RPTOR: variants seen among roughly 807,000 people sequenced by gnomAD.
RPTOR encodes the protein regulatory associated protein of MTOR complex 1, also known as regulatory-associated protein of mTOR.
In RPTOR, 21 loss-of-function variants were observed where a neutral mutation model predicts 169.9. The ratio of observed to expected loss-of-function variants is 0.12; its 90% CI spans 0.09 to 0.18. RPTOR has a LOEUF of 0.18. Ranked by LOEUF, RPTOR falls within the 10% of genes least tolerant of loss-of-function variation. The probability of loss-of-function intolerance (pLI) is 1.00; values close to 1 mark genes in which losing one functional copy is unlikely to be tolerated. For synonymous variants in RPTOR, 732 were observed against 753.2 expected (o/e 0.97, Z 0.46); for missense variants, 1,133 against 1,855.9 (o/e 0.61, Z 7.16).
chr17:80,921,151 G>C (rs556706709), intron 21 of RPTOR, among the ~76,000 whole-genome samples: 1 of 152,240 alleles, frequency 6.6e-6, no homozygotes, highest in African/African-American at 2.4e-5. Context: ...CAGGTTCAAG[G>C]TTCCTAAATT....
intron 13 of RPTOR, among the ~76,000 whole-genome samples, chr17:80,865,492 A>G (rs933053095): frequency 6.6e-6 from 1 of 152,214 alleles, no homozygotes; most frequent in Non-Finnish European, 1.5e-5. Flanking sequence ...GGAAGGCTGC[A>G]GGGCCTATGT....
At chr17:80,649,973 A>G (rs192161299) in intron 3 of RPTOR, among the ~76,000 whole-genome samples, 5 of 152,388 alleles carry the variant, frequency 3.3e-5, no homozygotes, top group Admixed American at 1.3e-4. Context: ...TATGCGAAGC[A>G]GTTTATTCCG....
intron 6 of RPTOR, among the ~76,000 whole-genome samples, chr17:80,756,614 C>T (rs907575050): frequency 2.0e-5 from 3 of 152,176 alleles, no homozygotes. Flanking sequence ...AAAGCACCTT[C>T]ATACGAACCA....
chr17:80,626,666 G>A (rs182108486), intron 2 of RPTOR, among the ~76,000 whole-genome samples: 9 of 150,680 alleles, frequency 6.0e-5, no homozygotes, highest in Admixed American at 4.6e-4. Flanking sequence ...ATTTGCTCAC[G>A]GTTGTCCTGT....
intron 28 of RPTOR, among the ~76,000 whole-genome samples, chr17:80,950,603 G>C (rs1237941944): frequency 6.6e-6 from 1 of 152,066 alleles, no homozygotes; most frequent in African/African-American, 2.4e-5. Context: ...CTTCTGTCCT[G>C]ATCTCTGGGC....
At chr17:80,896,303 G>T (rs1465647362) in intron 20 of RPTOR, among the ~76,000 whole-genome samples, 2 of 148,034 alleles carry the variant, frequency 1.4e-5, no homozygotes, top group Non-Finnish European at 3.0e-5. Context: ...GGGTCTGAGT[G>T]GGGGCTCCAT....
rs929646067 is a variant in RPTOR at position 80,754,081 on chromosome 17, G to C, written c.726G>C (p.Gln242His). 1.9e-6 allele frequency: 3 copies of C among 1,613,916 alleles called. No individual in the cohort carries two copies. The highest frequency in any genetic ancestry group is 2.5e-6 in the Non-Finnish European group (3 of 1,180,030). Residue 242 changes from glutamine (Q) to histidine (H), a missense_variant, in exon 6 of 34, where the codon CAG becomes CAC. Gln to His is a conservative substitution (Grantham distance 24). Transcript: ENST00000306801. The surrounding 1 kb of genome is among the most constrained non-coding windows in gnomAD (Gnocchi z 4.2). ...PLPPSMKNCI[Q>H]LAACEATELL... is the part of the protein sequence containing the mutation. ...CTCCGTCGATGAAAAACTGCATCCA[G>C]CTGGCAGCCTGCGAGGCCACCGAGC...
At chr17:80,833,763 G>C (rs1023342492) in intron 9 of RPTOR, among the ~76,000 whole-genome samples, 1 of 152,242 alleles carries the variant, frequency 6.6e-6, no homozygotes, top group South Asian at 2.1e-4. Context: ...GCCACGGCAG[G>C]CAGATCACCT....
At position 80,628,590 on chromosome 17, in the gene RPTOR, T is replaced by A. The variant is rs148849374; in HGVS notation, c.265+2797T>A. The stretch of plus-strand genomic sequence containing the variant: ...TCCCTTTATATTCTCAGTAGCTTTA[T>A]CTATAACCTATTAGTTTTTTGTTTG... On this transcript the variant is annotated intron_variant, in intron 2 of 33. Coordinates refer to ENST00000306801, the MANE Select transcript of RPTOR (RefSeq NM_020761.3). Among the ~76,000 whole-genome samples the A allele has an allele frequency of 3.4e-3, 524 of 152,304 alleles. 1 individual carries two copies. Among genetic ancestry groups the A allele is most frequent in the African/African-American group, 0.012 (508 of 41,592 alleles).
At chr17:80,812,811 G>A (rs1214041712) in intron 7 of RPTOR, among the ~76,000 whole-genome samples, 4 of 152,264 alleles carry the variant, frequency 2.6e-5, no homozygotes, top group Admixed American at 2.6e-4. Context: ...AGCCCGTGCT[G>A]TTCTCAAAAC....
intron 1 of RPTOR, among the ~76,000 whole-genome samples, chr17:80,597,489 T>C (rs1250145235): frequency 6.6e-6 from 1 of 152,138 alleles, no homozygotes; most frequent in African/African-American, 2.4e-5. Context: ...AAGTTTTAAA[T>C]AGGTGAAAGA....
Position 80,587,263 on chromosome 17 carries a change from G to A in RPTOR, c.163-38428G>A, listed in dbSNP as rs559783007. Reference sequence around the variant, plus strand: ...TGCATCCCCGAAATAATACAGCTTTGCCTGGTGTGGAAACGTATATAAACA... The same window carrying A: ...TGCATCCCCGAAATAATACAGCTTTACCTGGTGTGGAAACGTATATAAACA... On this transcript the variant is annotated intron_variant, in intron 1 of 33. Transcript: ENST00000306801. 5.9e-5 allele frequency among the ~76,000 whole-genome samples: 9 copies of A among 152,330 alleles called. No homozygotes were observed. The South Asian group carries it at 1.9e-3, about 32-fold the overall frequency.
At chr17:80,755,773 G>T (rs1379019389) in intron 6 of RPTOR, among the ~76,000 whole-genome samples, 1 of 151,174 alleles carries the variant, frequency 6.6e-6, no homozygotes, top group East Asian at 1.9e-4. Flanking sequence ...CAAAAAAAGA[G>T]GGGAGAGGAG....
At chr17:80,840,213 C>T (rs900903885) in intron 10 of RPTOR, among the ~76,000 whole-genome samples, 2 of 152,152 alleles carry the variant, frequency 1.3e-5, no homozygotes, top group African/African-American at 2.4e-5. Flanking sequence ...TGCTTGGATG[C>T]GTGGAGTCAC....
At chr17:80,618,906 G>A (rs1454418358) in intron 1 of RPTOR, among the ~76,000 whole-genome samples, 1 of 152,160 alleles carries the variant, frequency 6.6e-6, no homozygotes, top group Non-Finnish European at 1.5e-5. Context: ...TGCTCACTTT[G>A]TAGCAGTGCT....
In RPTOR at chr17:80,883,929, C is replaced by G; in HGVS notation, c.1799C>G (p.Ala600Gly). Residue 600 changes from alanine to glycine, a missense_variant, in exon 16 of 34, where the codon GCT becomes GGT. By Grantham distance (60) the Ala-to-Gly change is moderately conservative. Coordinates refer to ENST00000306801, the MANE Select transcript of RPTOR (RefSeq NM_020761.3). ...SARWCGVRDS[A>G]HEKLYSLLSD... Reference sequence around the variant, plus strand: ...AGGTGGTGCGGCGTGAGGGACAGCGCTCATGAGAAGCTCTACAGCCTCCTC... The same window carrying G: ...AGGTGGTGCGGCGTGAGGGACAGCGGTCATGAGAAGCTCTACAGCCTCCTC... The G allele has an allele frequency of 6.2e-7, 1 of 1,613,432 alleles. No individual in the cohort carries two copies. Among genetic ancestry groups the G allele is most frequent in the Non-Finnish European group, 8.5e-7 (1 of 1,179,994 alleles).
intron 5 of RPTOR, among the ~76,000 whole-genome samples, chr17:80,737,606 C>T (rs1444694687): frequency 2.0e-5 from 3 of 152,290 alleles, no homozygotes; most frequent in African/African-American, 7.2e-5. Context: ...TCTGCATGTG[C>T]TCTGGACACT....
At position 80,957,803 on chromosome 17, in the gene RPTOR, C is replaced by A. The variant is rs1368991664; in HGVS notation, c.3477+73C>A. 9 of 1,401,902 alleles carry A rather than the reference C, an allele frequency of 6.4e-6. No homozygotes were observed. The highest frequency in any genetic ancestry group is 1.4e-5 in the African/African-American group (1 of 70,888). The allele number at this position is 1,401,902 out of a possible 1,614,324, so 86.8% of individuals were successfully genotyped here. ...TGCAGGGCTGGTCCTCGTCACAGAA[C>A]CCAGCAAAGTGTGCGGTGAGGCCTG... On this transcript the variant is annotated intron_variant, in intron 29 of 33. Coordinates refer to ENST00000306801, the MANE Select transcript of RPTOR (RefSeq NM_020761.3). This position sits in a 1 kb window ranked among gnomAD's most constrained non-coding sequence, Gnocchi z 4.6.
rs57123608 is a variant in RPTOR, at chr17:80,950,459, G to A, written c.3370+912G>A. On this transcript the variant is annotated intron_variant, in intron 28 of 33. Transcript: ENST00000306801. ...TGCCAACCCTCACGTGCCTCGGGAC[G>A]TCATGGGGGCAGCTCCAGGGTGGAC... is the stretch of plus-strand genomic sequence containing the variant. 5.4e-3 allele frequency among the ~76,000 whole-genome samples: 817 copies of A among 152,144 alleles called. 4 individuals are homozygous for A. The highest frequency in any genetic ancestry group is 0.018 in the African/African-American group (732 of 41,496).
Sources: allele counts gnomAD v4.1 joint callset (sites outside exome capture counted in the v4.1 genomes callset), GRCh38; gene constraint gnomAD v4.1.1; non-coding constraint Gnocchi (gnomAD v3.1); transcripts MANE v1.5; gene names NCBI Gene and HGNC (gene_info 2026-07-23, HGNC 2026-07-21).